The following ADRB1 variants were observed in gnomAD, a reference collection of about 807,000 sequenced individuals.
ADRB1 encodes beta-1 adrenergic receptor.
For missense variants in ADRB1, 635 were observed against 709.1 expected, an observed-to-expected ratio of 0.90 and a Z score of 1.19; for synonymous variants, 365 against 347.2, an observed-to-expected ratio of 1.05 and a Z score of -0.57.
rs1455888314 is a variant in ADRB1 at position 114,045,680 on chromosome 10, A to G, written c.*114A>G. The G allele has an allele frequency of 1.6e-5, 17 of 1,087,472 alleles. No individual in the cohort carries two copies. Among genetic ancestry groups the G allele is most frequent in the African/African-American group, 1.5e-4 (9 of 61,092 alleles). 67.4% of individuals were successfully genotyped at this position (1,087,472 alleles called of 1,614,324 possible). ...GAAGCCCACAATCCTCGTCTGAATC[A>G]TCCGAGGCAAAGAGAAAAGCCACGG... On this transcript the variant is annotated 3_prime_UTR_variant, in exon 1 of 1. Transcript: ENST00000369295.
At position 114,044,129 on chromosome 10, in the gene ADRB1, C is replaced by G; in HGVS notation, c.-4C>G. The G allele has an allele frequency of 7.8e-7, 1 of 1,276,452 alleles. No individual in the cohort carries two copies. Among genetic ancestry groups the G allele is most frequent in the Non-Finnish European group, 9.8e-7 (1 of 1,018,350 alleles). The allele number at this position is 1,276,452 out of a possible 1,614,324, so 79.1% of individuals were successfully genotyped here. ...CCCCCCGCCCCCGGCCTCCGCAGCTCGGCATGGGCGCGGGGGTGCTCGTCC... is the reference window on the plus strand; with the variant it reads ...CCCCCCGCCCCCGGCCTCCGCAGCTGGGCATGGGCGCGGGGGTGCTCGTCC... On this transcript the variant is annotated 5_prime_UTR_variant, in exon 1 of 1. Transcript: ENST00000369295. The surrounding 1 kb of genome is among the most constrained non-coding windows in gnomAD (Gnocchi z 7.8).
chr10:114,045,383 G>A lies in ADRB1; in HGVS notation c.1251G>A (p.Arg417=). The part of the protein sequence containing the change: ...DRPRASGCLA[R]PGPPPSPGAA... ...CGCGCGCCTCGGGCTGTCTGGCCCG[G>A]CCCGGACCCCCGCCATCGCCCGGGG... The change falls in exon 1 of 1, where the codon CGG becomes CGA. Residue 417 remains arginine, a synonymous_variant. Transcript: ENST00000369295. 1 of 1,254,086 alleles carries A rather than the reference G, an allele frequency of 8.0e-7. No individual in the cohort carries two copies. Among genetic ancestry groups the A allele is most frequent in the Non-Finnish European group, 1.0e-6 (1 of 998,842 alleles). The allele number at this position is 1,254,086 out of a possible 1,614,324, so 77.7% of individuals were successfully genotyped here.
rs896824321 is a variant in ADRB1 at position 114,045,390 on chromosome 10, C to T, written c.1258C>T (p.Pro420Ser). 1 of 1,247,810 alleles carries T rather than the reference C, an allele frequency of 8.0e-7. No individual in the cohort carries two copies. The highest frequency in any genetic ancestry group is 1.6e-5 in the African/African-American group (1 of 63,766). 77.3% of individuals were successfully genotyped at this position (1,247,810 alleles called of 1,614,324 possible). Residue 420 changes from proline (P) to serine (S), a missense_variant, in exon 1 of 1, where the codon CCC becomes TCC. Physicochemically the swap from Pro to Ser is moderately conservative, Grantham distance 74. Transcript: ENST00000369295. ...RASGCLARPG[P>S]PPSPGAASDD... ...CTCGGGCTGTCTGGCCCGGCCCGGA[C>T]CCCCGCCATCGCCCGGGGCCGCCTC...
chr10:114,043,957 A>T lies in ADRB1; in HGVS notation c.-176A>T. 2.8e-6 allele frequency: 1 copy of T among 351,944 alleles called. No homozygotes were observed. Among genetic ancestry groups the T allele is most frequent in the Non-Finnish European group, 4.5e-6 (1 of 223,762 alleles). 21.8% of individuals were successfully genotyped at this position (351,944 alleles called of 1,614,324 possible). A position where few individuals can be genotyped will look rare whatever the true frequency, so the allele number is the denominator to read the frequency against. ...CGGCGGCGGCGGCAGCGGCAGCGAC[A>T]GCGCTCGGCTCCTGCGGGAAAGGCG... On this transcript the variant is annotated 5_prime_UTR_variant, in exon 1 of 1. Coordinates refer to ENST00000369295, the MANE Select transcript of ADRB1 (RefSeq NM_000684.3).
chr10:114,046,903 A>C lies in ADRB1; in HGVS notation c.*1337A>C. 1 of 164,622 alleles carries C rather than the reference A, an allele frequency of 6.1e-6. No individual in the cohort carries two copies. The allele number at this position is 164,622 out of a possible 1,614,324, so 10.2% of individuals were successfully genotyped here. A position where few individuals can be genotyped will look rare whatever the true frequency, so the allele number is the denominator to read the frequency against. ...TGTGCAATAAATACCAATGAAGCAC[A>C]ATCAAGATTATGTACTGTGTGTCTG... is the stretch of plus-strand genomic sequence containing the variant. On this transcript the variant is annotated 3_prime_UTR_variant, in exon 1 of 1. Transcript: ENST00000369295.
chr10:114,046,894 A>C lies in ADRB1; in HGVS notation c.*1328A>C, dbSNP rs1194584763. On this transcript the variant is annotated 3_prime_UTR_variant, in exon 1 of 1. Coordinates refer to ENST00000369295, the MANE Select transcript of ADRB1 (RefSeq NM_000684.3). Reference sequence around the variant, plus strand: ...ATTGGTCCATGTGCAATAAATACCAATGAAGCACAATCAAGATTATGTACT... The same window carrying C: ...ATTGGTCCATGTGCAATAAATACCACTGAAGCACAATCAAGATTATGTACT... 6.0e-6 allele frequency: 1 copy of C among 165,360 alleles called. No homozygotes were observed. Among genetic ancestry groups the C allele is most frequent in the Non-Finnish European group, 1.5e-5 (1 of 68,122 alleles). The allele number at this position is 165,360 out of a possible 1,614,324, so 10.2% of individuals were successfully genotyped here. A position where few individuals can be genotyped will look rare whatever the true frequency, so the allele number is the denominator to read the frequency against.
Position 114,045,328 on chromosome 10 carries a change from G to T in ADRB1, c.1196G>T (p.Arg399Leu). Residue 399 changes from arginine (R) to leucine (L), a missense_variant, in exon 1 of 1, where the codon CGC (arginine) becomes CTC (leucine). Coordinates refer to ENST00000369295, the MANE Select transcript of ADRB1 (RefSeq NM_000684.3). ...CTCTGCTGCGCGCGCAGGGCTGCCC[G>T]CCGGCGCCACGCGACCCACGGAGAC... ...GLLCCARRAA[R>L]RRHATHGDRP... 1 of 1,524,780 alleles carries T rather than the reference G, an allele frequency of 6.6e-7. No individual in the cohort carries two copies. The highest frequency in any genetic ancestry group is 8.8e-7 in the Non-Finnish European group (1 of 1,132,142). The allele number at this position is 1,524,780 out of a possible 1,614,324, so 94.5% of individuals were successfully genotyped here.
rs1847531330 is a variant in ADRB1, at chr10:114,044,490, G to A, written c.358G>A (p.Val120Met). 6.2e-7 allele frequency: 1 copy of A among 1,613,660 alleles called. No homozygotes were observed. The highest frequency in any genetic ancestry group is 8.5e-7 in the Non-Finnish European group (1 of 1,179,978). ...LVVPFGATIVVWGRWEYGSFF... is the reference protein window; with the variant it reads ...LVVPFGATIVMWGRWEYGSFF... ...GGTGCCGTTCGGGGCCACCATCGTG[G>A]TGTGGGGCCGCTGGGAGTACGGCTC... Residue 120 changes from valine (V) to methionine (M), a missense_variant, in exon 1 of 1, where the codon GTG (valine) becomes ATG (methionine). Coordinates refer to ENST00000369295, the MANE Select transcript of ADRB1 (RefSeq NM_000684.3). The surrounding 1 kb of genome is among the most constrained non-coding windows in gnomAD (Gnocchi z 7.8).
chr10:114,045,506 C>G lies in ADRB1; in HGVS notation c.1374C>G (p.Asp458Glu), dbSNP rs1262436904. 2 of 1,293,720 alleles carry G rather than the reference C, an allele frequency of 1.5e-6. No individual in the cohort carries two copies. The highest frequency in any genetic ancestry group is 6.2e-5 in the East Asian group (2 of 32,134). The allele number at this position is 1,293,720 out of a possible 1,614,324, so 80.1% of individuals were successfully genotyped here. A position where few individuals can be genotyped will look rare whatever the true frequency, so the allele number is the denominator to read the frequency against. Residue 458 changes from aspartate (D) to glutamate (E), a missense_variant, in exon 1 of 1, where the codon GAC becomes GAG. Coordinates refer to ENST00000369295, the MANE Select transcript of ADRB1 (RefSeq NM_000684.3). The part of the protein sequence containing the change: ...WAGCNGGAAA[D>E]SDSSLDEPCR... ...GCTGCAACGGCGGGGCGGCGGCGGA[C>G]AGCGACTCGAGCCTGGACGAGCCGT... is the stretch of plus-strand genomic sequence containing the variant.
chr10:114,045,224 G>T lies in ADRB1; in HGVS notation c.1092G>T (p.Trp364Cys), dbSNP rs138212934. 3.8e-6 allele frequency: 6 copies of T among 1,597,788 alleles called. No individual in the cohort carries two copies. In the African/African-American group the frequency reaches 8.1e-5, roughly 22 times the overall value. ...ACCGCCTCTTCGTCTTCTTCAACTG[G>T]CTGGGCTACGCCAACTCGGCCTTCA... is the stretch of plus-strand genomic sequence containing the variant. The part of the protein sequence containing the change: ...VPDRLFVFFN[W>C]LGYANSAFNP... Residue 364 changes from tryptophan to cysteine, a missense_variant, in exon 1 of 1, where the codon TGG becomes TGT. Physicochemically the swap from Trp to Cys is radical, Grantham distance 215. Coordinates refer to ENST00000369295, the MANE Select transcript of ADRB1 (RefSeq NM_000684.3).
Position 114,045,174 on chromosome 10 carries a change from G to A in ADRB1, c.1042G>A (p.Ala348Thr), listed in dbSNP as rs748944814. The change falls in exon 1 of 1, where the codon GCC becomes ACC. Residue 348 changes from alanine to threonine, a missense_variant. By Grantham distance (58) the Ala-to-Thr change is moderately conservative. Coordinates refer to ENST00000369295, the MANE Select transcript of ADRB1 (RefSeq NM_000684.3). ...CTTCTTCCTGGCCAACGTGGTGAAGGCCTTCCACCGCGAGCTGGTGCCCGA... is the reference window on the plus strand; with the variant it reads ...CTTCTTCCTGGCCAACGTGGTGAAGACCTTCCACCGCGAGCTGGTGCCCGA... ...LPFFLANVVK[A>T]FHRELVPDRL... 15 of 1,599,046 alleles carry A rather than the reference G, an allele frequency of 9.4e-6. No homozygotes were observed. The South Asian group carries it at 1.6e-4, about 17-fold the overall frequency.
In ADRB1 at chr10:114,045,800, C is replaced by CTTTTTT. The variant is rs34635547; in HGVS notation, c.*251_*256dup. Reference sequence around the variant, plus strand: ...TTTTTCTTTTCTTTTCTTTCTTCTTCTTTTTTTTTTTTTTTTTTTTTTCTG... The same window carrying CTTTTTT: ...TTTTTCTTTTCTTTTCTTTCTTCTTCTTTTTTTTTTTTTTTTTTTTTTTTTTTTCTG... On this transcript the variant is annotated 3_prime_UTR_variant, in exon 1 of 1. Coordinates refer to ENST00000369295, the MANE Select transcript of ADRB1 (RefSeq NM_000684.3). The CTTTTTT allele has an allele frequency of 1.5e-3, 183 of 118,712 alleles. 1 individual carries two copies. The highest frequency in any genetic ancestry group is 1.9e-3 in the African/African-American group (39 of 20,702). The allele number at this position is 118,712 out of a possible 1,614,324, so 7.4% of individuals were successfully genotyped here. A position where few individuals can be genotyped will look rare whatever the true frequency, so the allele number is the denominator to read the frequency against.
Position 114,044,943 on chromosome 10 carries a change from C to T in ADRB1, c.811C>T (p.Arg271Trp), listed in dbSNP as rs2119530634. The T allele has an allele frequency of 1.3e-6, 2 of 1,519,602 alleles. No homozygotes were observed. Among genetic ancestry groups the T allele is most frequent in the Admixed American group, 2.1e-5 (1 of 47,470 alleles). The allele number at this position is 1,519,602 out of a possible 1,614,324, so 94.1% of individuals were successfully genotyped here. ...CERRFLGGPARPPSPSPSPVP... is the reference protein window; with the variant it reads ...CERRFLGGPAWPPSPSPSPVP... ...GCGCCGTTTCCTCGGCGGCCCAGCG[C>T]GGCCGCCCTCGCCCTCGCCCTCGCC... is the stretch of plus-strand genomic sequence containing the variant. Residue 271 changes from arginine (R) to tryptophan (W), a missense_variant, in exon 1 of 1, where the codon CGG becomes TGG. Arg to Trp is a moderately radical substitution (Grantham distance 101). Coordinates refer to ENST00000369295, the MANE Select transcript of ADRB1 (RefSeq NM_000684.3). The surrounding 1 kb of genome is among the most constrained non-coding windows in gnomAD (Gnocchi z 7.8).
In ADRB1 at chr10:114,045,237, A is replaced by T; in HGVS notation, c.1105A>T (p.Asn369Tyr). Reference sequence around the variant, plus strand: ...CTTCTTCAACTGGCTGGGCTACGCCAACTCGGCCTTCAACCCCATCATCTA... The same window carrying T: ...CTTCTTCAACTGGCTGGGCTACGCCTACTCGGCCTTCAACCCCATCATCTA... ...FVFFNWLGYA[N>Y]SAFNPIIYCR... The change falls in exon 1 of 1, where the codon AAC (asparagine) becomes TAC (tyrosine). Residue 369 changes from asparagine to tyrosine, a missense_variant. Coordinates refer to ENST00000369295, the MANE Select transcript of ADRB1 (RefSeq NM_000684.3). The T allele has an allele frequency of 6.3e-7, 1 of 1,599,804 alleles. No homozygotes were observed. The highest frequency in any genetic ancestry group is 8.5e-7 in the Non-Finnish European group (1 of 1,173,036).
At position 114,045,387 on chromosome 10, in the gene ADRB1, G is replaced by T; in HGVS notation, c.1255G>T (p.Gly419Ter). 1 of 1,250,748 alleles carries T rather than the reference G, an allele frequency of 8.0e-7. No individual in the cohort carries two copies. Among genetic ancestry groups the T allele is most frequent in the Non-Finnish European group, 1.0e-6 (1 of 996,864 alleles). 77.5% of individuals were successfully genotyped at this position (1,250,748 alleles called of 1,614,324 possible). A position where few individuals can be genotyped will look rare whatever the true frequency, so the allele number is the denominator to read the frequency against. ...CGCCTCGGGCTGTCTGGCCCGGCCC[G>T]GACCCCCGCCATCGCCCGGGGCCGC... is the stretch of plus-strand genomic sequence containing the variant. ...PRASGCLARP[G>*]PPPSPGAASD... The change falls in exon 1 of 1, where the codon GGA (glycine) becomes TGA (stop). Residue 419 changes from glycine to a stop codon, truncating the protein, a stop_gained. Coordinates refer to ENST00000369295, the MANE Select transcript of ADRB1 (RefSeq NM_000684.3). LOFTEE classifies it low-confidence loss of function (END_TRUNC).
Position 114,045,344 on chromosome 10 carries a change from C to T in ADRB1, c.1212C>T (p.Thr404=), listed in dbSNP as rs1847547485. The T allele has an allele frequency of 4.0e-6, 6 of 1,489,556 alleles. No individual in the cohort carries two copies. The highest frequency in any genetic ancestry group is 5.4e-6 in the Non-Finnish European group (6 of 1,113,808). 92.3% of individuals were successfully genotyped at this position (1,489,556 alleles called of 1,614,324 possible). Residue 404 remains threonine (T), a synonymous_variant, in exon 1 of 1, where the codon ACC becomes ACT. Transcript: ENST00000369295. ...GGGCTGCCCGCCGGCGCCACGCGAC[C>T]CACGGAGACCGGCCGCGCGCCTCGG... ...ARRAARRRHA[T]HGDRPRASGC...
rs200385012 is a variant in ADRB1, at chr10:114,044,797, G to C, written c.665G>C (p.Arg222Pro). The part of the protein sequence containing the change: ...DPKCCDFVTN[R>P]AYAIASSVVS... The stretch of plus-strand genomic sequence containing the variant: ...AAGTGCTGCGACTTCGTCACCAACC[G>C]GGCCTACGCCATCGCCTCGTCCGTA... The change falls in exon 1 of 1, where the codon CGG becomes CCG. Residue 222 changes from arginine (R) to proline (P), a missense_variant. By Grantham distance (103) the Arg-to-Pro change is moderately radical (BLOSUM62 -2). Transcript: ENST00000369295. This position sits in a 1 kb window ranked among gnomAD's most constrained non-coding sequence, Gnocchi z 7.8. The C allele has an allele frequency of 6.2e-7, 1 of 1,613,776 alleles. No homozygotes were observed. Among genetic ancestry groups the C allele is most frequent in the Non-Finnish European group, 8.5e-7 (1 of 1,179,942 alleles).
At position 114,045,574 on chromosome 10, in the gene ADRB1, C is replaced by T. The variant is rs55637433; in HGVS notation, c.*8C>T. 2 of 1,280,968 alleles carry T rather than the reference C, an allele frequency of 1.6e-6. No individual in the cohort carries two copies. The highest frequency in any genetic ancestry group is 2.0e-6 in the Non-Finnish European group (2 of 1,006,414). 79.4% of individuals were successfully genotyped at this position (1,280,968 alleles called of 1,614,324 possible). A position where few individuals can be genotyped will look rare whatever the true frequency, so the allele number is the denominator to read the frequency against. ...TCGGAATCCAAGGTGTAGGGCCCGG[C>T]GCGGGGCGCGGACTCCGGGCACGGC... On this transcript the variant is annotated 3_prime_UTR_variant, in exon 1 of 1. Coordinates refer to ENST00000369295, the MANE Select transcript of ADRB1 (RefSeq NM_000684.3).
At position 114,045,565 on chromosome 10, in the gene ADRB1, A is replaced by G; in HGVS notation, c.1433A>G (p.Ter478TrpextTer28). The G allele has an allele frequency of 7.7e-7, 1 of 1,290,856 alleles. No individual in the cohort carries two copies. Among genetic ancestry groups the G allele is most frequent in the Non-Finnish European group, 9.9e-7 (1 of 1,012,208 alleles). 80.0% of individuals were successfully genotyped at this position (1,290,856 alleles called of 1,614,324 possible). A position where few individuals can be genotyped will look rare whatever the true frequency, so the allele number is the denominator to read the frequency against. Residue 478 changes from the stop codon to tryptophan, a stop_lost, in exon 1 of 1, where the codon TAG (stop) becomes TGG (tryptophan). Coordinates refer to ENST00000369295, the MANE Select transcript of ADRB1 (RefSeq NM_000684.3). The part of the protein sequence containing the change: ...RPGFASESKV[*>W] ...GGCTTCGCCTCGGAATCCAAGGTGT[A>G]GGGCCCGGCGCGGGGCGCGGACTCC...
Sources: gnomAD v4.1 joint callset for allele counts on GRCh38, gnomAD v4.1.1 for gene constraint, Gnocchi (gnomAD v3.1) non-coding constraint, MANE v1.5 for transcripts, NCBI Gene and HGNC (gene_info 2026-07-23, HGNC 2026-07-21) for gene names.